TMEM87A: variants seen among roughly 807,000 people sequenced by gnomAD.
TMEM87A encodes the protein Golgi-pH regulating cation channel.
TMEM87A carries 50 observed loss-of-function variants against 90.0 expected under a neutral mutation model. The ratio of observed to expected loss-of-function variants is 0.56; its 90% CI spans 0.44 to 0.70. The LOEUF (loss-of-function observed/expected upper bound fraction) is 0.70, where lower values mean the gene tolerates loss of function less well. TMEM87A is among the 30% of genes least tolerant of loss of function. The probability of loss-of-function intolerance (pLI) is 0.00; values close to 1 mark genes in which losing one functional copy is unlikely to be tolerated. For synonymous variants in TMEM87A, 226 were observed against 226.7 expected (o/e 1.00, Z 0.03); for missense variants, 577 against 660.5 (o/e 0.87, Z 1.39).
chr15:42,264,604 C>T (rs1279430392), intron 3 of TMEM87A, among the ~76,000 whole-genome samples: 2 of 150,100 alleles, frequency 1.3e-5, no homozygotes, highest in Non-Finnish European at 3.0e-5. Context: ...GGATAATCTT[C>T]TTAAAAATGC....
chr15:42,272,706 T>C (rs2051565164), intron 1 of TMEM87A: 1 of 334,112 alleles, frequency 3.0e-6, no homozygotes, highest in East Asian at 8.1e-5. Flanking sequence ...ATTTCTTCAA[T>C]TTTAACCATT....
In TMEM87A at chr15:42,218,376, C is replaced by T; in HGVS notation, c.1542G>A (p.Gln514=). The T allele has an allele frequency of 6.2e-7, 1 of 1,613,640 alleles. No individual in the cohort carries two copies. Among genetic ancestry groups the T allele is most frequent in the Non-Finnish European group, 8.5e-7 (1 of 1,179,752 alleles). ...CTTCTACCCACTTCAAATCATCTTC[C>T]TGCTGGGAACATACAAATACCACTC... ...PNGNSKVNKA[Q]EDDLKWVEEN... The change falls in exon 18 of 20, where the codon CAG becomes CAA. Residue 514 remains glutamine, a splice_region_variant and synonymous_variant. Transcript: ENST00000389834.
At chr15:42,228,979 A>C (rs1487637384) in intron 12 of TMEM87A, among the ~76,000 whole-genome samples, 159 bp from the exon 13 acceptor site, 1 of 152,154 alleles carries the variant, frequency 6.6e-6, no homozygotes, top group Non-Finnish European at 1.5e-5. Context: ...CAAACACCTC[A>C]AGATGAATAA....
At position 42,245,473 on chromosome 15, in the gene TMEM87A, T is replaced by C. The variant is rs118137950; in HGVS notation, c.505-1306A>G. ...TGCAGAGATTCTGACCCTGTAAAAA[T>C]AACATTTATATGCCAGATAACTCTG... On this transcript the variant is annotated intron_variant, in intron 6 of 19. Coordinates refer to ENST00000389834, the MANE Select transcript of TMEM87A (RefSeq NM_015497.5). 8.4e-3 allele frequency among the ~76,000 whole-genome samples: 1,267 copies of C among 151,404 alleles called. 3 individuals carry two copies. The highest frequency in any genetic ancestry group is 0.012 in the Non-Finnish European group (817 of 67,894).
At chr15:42,219,460 C>T in intron 17 of TMEM87A, 121 bp downstream of exon 17, 1 of 757,894 alleles carries the variant, frequency 1.3e-6, no homozygotes, top group Non-Finnish European at 2.1e-6. Flanking sequence ...GGGTCATATA[C>T]AAAAAAAAAT....
chr15:42,226,082 C>T (rs1219032158), intron 15 of TMEM87A, among the ~76,000 whole-genome samples: 5 of 152,076 alleles, frequency 3.3e-5, no homozygotes, highest in Admixed American at 3.3e-4. Flanking sequence ...TCAGTGCAAC[C>T]TCTGCCTCCC....
intron 6 of TMEM87A, among the ~76,000 whole-genome samples, chr15:42,244,696 G>A (rs1027311048): frequency 6.8e-5 from 10 of 146,636 alleles, no homozygotes; most frequent in African/African-American, 2.5e-4. Flanking sequence ...TATGTGGTAA[G>A]CAAGAGTCAC....
At chr15:42,255,424 A>C (rs1293363413) in intron 6 of TMEM87A, among the ~76,000 whole-genome samples, 1 of 151,824 alleles carries the variant, frequency 6.6e-6, no homozygotes, top group Non-Finnish European at 1.5e-5. Flanking sequence ...GAGCCACCGC[A>C]CCCGGCCAAC....
chr15:42,218,204 T>C (rs3736099), intron 18 of TMEM87A, 119 bp downstream of exon 18: 34,080 of 1,004,970 alleles, frequency 0.034, 1,992 homozygotes, highest in Admixed American at 0.2. Context: ...TTATTCCTAT[T>C]CTTTTAATTA....
intron 19 of TMEM87A, among the ~76,000 whole-genome samples, chr15:42,214,251 C>T (rs2050344185): frequency 6.6e-6 from 1 of 152,044 alleles, no homozygotes; most frequent in Non-Finnish European, 1.5e-5. Flanking sequence ...TACTTAAAGA[C>T]AAAGTAACAC....
At chr15:42,222,269 C>G (rs561132762) in intron 15 of TMEM87A, among the ~76,000 whole-genome samples, 1 of 152,276 alleles carries the variant, frequency 6.6e-6, no homozygotes, top group African/African-American at 2.4e-5. Context: ...GTTGGTCAAA[C>G]TGGTCTCGAA....
intron 2 of TMEM87A, chr15:42,271,671 T>C (rs2051528173): frequency 6.4e-6 from 1 of 155,174 alleles, no homozygotes. Flanking sequence ...CAGTTTTAAG[T>C]ATACTCTATG....
intron 11 of TMEM87A, among the ~76,000 whole-genome samples, chr15:42,232,704 G>C (rs1478997276): frequency 6.6e-6 from 1 of 151,360 alleles, no homozygotes; most frequent in Non-Finnish European, 1.5e-5. Context: ...GGATGGTCTT[G>C]ATCTTCTGAC....
chr15:42,268,894 A>C (rs1025624620), intron 2 of TMEM87A, among the ~76,000 whole-genome samples: 2 of 152,206 alleles, frequency 1.3e-5, no homozygotes, highest in Non-Finnish European at 2.9e-5. Context: ...TTCCACTGAG[A>C]GCAAAATTGC....
At chr15:42,214,124 C>CG (rs200303558) in intron 19 of TMEM87A, among the ~76,000 whole-genome samples, 7,062 of 150,686 alleles carry the variant, frequency 0.047, 233 homozygotes, top group South Asian at 0.15. Flanking sequence ...ATAGAAAATC[C>CG]GGGGGGGGAA....
In TMEM87A at chr15:42,267,980, G is replaced by A. The variant is rs372515263; in HGVS notation, c.258C>T (p.Ser86=). The change falls in exon 3 of 20, where the codon AGC becomes AGT. Residue 86 remains serine, a synonymous_variant. Transcript: ENST00000389834. ...TATAGATTTCATTGTAACAATCAGC[G>A]CTTTTCAGATACCAGGTTATATTCA... The part of the protein sequence containing the change: ...LSLNITWYLK[S]ADCYNEIYNF... 1.6e-5 allele frequency: 26 copies of A among 1,613,272 alleles called. No individual in the cohort carries two copies. Among genetic ancestry groups the A allele is most frequent in the African/African-American group, 1.6e-4 (12 of 74,876 alleles).
intron 15 of TMEM87A, among the ~76,000 whole-genome samples, chr15:42,225,630 C>G (rs538144991): frequency 4.6e-4 from 70 of 152,262 alleles, no homozygotes; most frequent in African/African-American, 1.6e-3. Flanking sequence ...TCTCCGGGTT[C>G]AAGCGATTCT....
rs537037403 is a variant in TMEM87A at position 42,228,858 on chromosome 15, A to C, written c.1132-38T>G. On this transcript the variant is annotated intron_variant, in intron 12 of 19. Transcript: ENST00000389834. ...CAAGGAATTCAACATTCAGGAAAAA[A>C]CAGTAAGCTAGCCAATTAGTTTTCA... 12 of 1,448,096 alleles carry C rather than the reference A, an allele frequency of 8.3e-6. No individual in the cohort carries two copies. The South Asian group carries it at 1.6e-4, about 19-fold the overall frequency. 89.7% of individuals were successfully genotyped at this position (1,448,096 alleles called of 1,614,324 possible). A position where few individuals can be genotyped will look rare whatever the true frequency, so the allele number is the denominator to read the frequency against.
At position 42,237,130 on chromosome 15, in the gene TMEM87A, T is replaced by C. The variant is rs145128650; in HGVS notation, c.868+302A>G. On this transcript the variant is annotated intron_variant, in intron 9 of 19. Transcript: ENST00000389834. ...AATTAAATTGACAGCTTTACTTTTT[T>C]TCTTAGATGTATAATGGTGCCTTAG... is the stretch of plus-strand genomic sequence containing the variant. Among the ~76,000 whole-genome samples the C allele has an allele frequency of 4.3e-3, 655 of 152,326 alleles. 4 individuals are homozygous for C. Among genetic ancestry groups the C allele is most frequent in the African/African-American group, 0.015 (622 of 41,572 alleles).
Sources: allele counts gnomAD v4.1 joint callset (sites outside exome capture counted in the v4.1 genomes callset), GRCh38; gene constraint gnomAD v4.1.1; transcripts MANE v1.5; gene names NCBI Gene and HGNC (gene_info 2026-07-23, HGNC 2026-07-21).